Variants in CCSER1 observed in about 807,000 individuals in gnomAD.
The protein encoded by CCSER1 is serine-rich coiled-coil domain-containing protein 1.
CCSER1 carries 41 observed loss-of-function variants against 82.0 expected under a neutral mutation model. The observed-to-expected ratio is 0.50, with a 90% confidence interval of 0.39 to 0.65. The LOEUF (loss-of-function observed/expected upper bound fraction) is 0.65, where lower values mean the gene tolerates loss of function less well. Ranked by LOEUF, CCSER1 falls within the 30% of genes least tolerant of loss-of-function variation. The pLI is 0.00. For missense variants in CCSER1, 1,119 were observed against 1,064.2 expected (o/e 1.05, Z -0.72); for synonymous variants, 414 against 383.9 (o/e 1.08, Z -0.92).
intron 9 of CCSER1, among the ~76,000 whole-genome samples, chr4:91,084,729 A>G (rs561156104): frequency 1.3e-5 from 2 of 152,234 alleles, no homozygotes; most frequent in South Asian, 2.1e-4. Context: ...GCTACCACCT[A>G]TATACAAAAA....
intron 10 of CCSER1, among the ~76,000 whole-genome samples, chr4:91,120,496 A>G (rs1258030864): frequency 6.6e-6 from 1 of 151,992 alleles, no homozygotes; most frequent in Admixed American, 6.6e-5. Context: ...GTCTGAGTGG[A>G]AGGGCTAACT....
intron 7 of CCSER1, among the ~76,000 whole-genome samples, chr4:90,807,968 G>C (rs187472288): frequency 6.6e-6 from 1 of 152,140 alleles, no homozygotes; most frequent in Admixed American, 6.5e-5. Context: ...GAATAAATCT[G>C]GAGGCATCAT....
At chr4:90,154,734 C>CCTGAGACTTTG (rs1263455128) in intron 1 of CCSER1, among the ~76,000 whole-genome samples, 2 of 147,062 alleles carry the variant, frequency 1.4e-5, no homozygotes, top group African/African-American at 5.0e-5. Context: ...GATTTTGTAT[C>CCTGAGACTTTG]CTGAGACTTT....
At chr4:90,963,127 A>C (rs1354990775) in intron 9 of CCSER1, among the ~76,000 whole-genome samples, 2 of 152,176 alleles carry the variant, frequency 1.3e-5, no homozygotes, top group Non-Finnish European at 2.9e-5. Context: ...TTGGATATTT[A>C]TAGTTGTACT....
intron 5 of CCSER1, among the ~76,000 whole-genome samples, chr4:90,604,147 A>T (rs1201172290): frequency 6.6e-6 from 1 of 152,172 alleles, no homozygotes. Flanking sequence ...GATGCCAAGT[A>T]GCTTGTTAGA....
At chr4:91,438,339 C>G (rs892420917) in intron 10 of CCSER1, among the ~76,000 whole-genome samples, 41 of 152,304 alleles carry the variant, frequency 2.7e-4, no homozygotes, top group African/African-American at 9.1e-4. Context: ...ATCTGCGGTT[C>G]TGCAGCCACC....
intron 9 of CCSER1, among the ~76,000 whole-genome samples, chr4:91,076,878 G>A (rs1425463601): frequency 2.6e-5 from 4 of 152,176 alleles, no homozygotes; most frequent in African/African-American, 7.2e-5. Flanking sequence ...TTCAAATTTT[G>A]TAGTTGAGAA....
chr4:91,344,520 T>C (rs1300462923), intron 10 of CCSER1, among the ~76,000 whole-genome samples: 3 of 152,024 alleles, frequency 2.0e-5, no homozygotes, highest in Non-Finnish European at 4.4e-5. Context: ...TTTAAAATAA[T>C]AGAAAATATA....
chr4:90,879,494 A>AGAG (rs1240786202), intron 8 of CCSER1, among the ~76,000 whole-genome samples: 1 of 123,936 alleles, frequency 8.1e-6, no homozygotes, highest in African/African-American at 2.9e-5. Flanking sequence ...AAGAGGAAGA[A>AGAG]GAAGAAGAAG....
At chr4:90,901,977 C>T (rs971906234) in intron 8 of CCSER1, among the ~76,000 whole-genome samples, 2 of 151,814 alleles carry the variant, frequency 1.3e-5, no homozygotes, top group Non-Finnish European at 2.9e-5. Flanking sequence ...AGACTTTCTT[C>T]ATTTTTTAAA....
intron 10 of CCSER1, among the ~76,000 whole-genome samples, chr4:91,482,124 C>A (rs1455514062): frequency 6.6e-6 from 1 of 151,900 alleles, no homozygotes; most frequent in Non-Finnish European, 1.5e-5. Context: ...GGAAACGGGC[C>A]GGGCGCGGTG....
At chr4:91,115,861 T>TATATATATATATA (rs757901995) in intron 10 of CCSER1, among the ~76,000 whole-genome samples, 9 of 133,580 alleles carry the variant, frequency 6.7e-5, no homozygotes, top group African/African-American at 2.3e-4. Flanking sequence ...ATATATATAT[T>TATATATATATATA]TTTTTTTATT....
At chr4:90,923,346 T>C (rs1228900703) in intron 8 of CCSER1, 24 bp from the exon 9 acceptor site, 8 of 1,523,266 alleles carry the variant, frequency 5.3e-6, no homozygotes, top group South Asian at 1.2e-5. Context: ...AACAATGTGT[T>C]GTTGCTGTTT....
chr4:91,392,713 T>C (rs1751739265), intron 10 of CCSER1, among the ~76,000 whole-genome samples: 1 of 152,140 alleles, frequency 6.6e-6, no homozygotes, highest in African/African-American at 2.4e-5. Flanking sequence ...AATGATGCAT[T>C]TATATTTAGA....
intron 5 of CCSER1, among the ~76,000 whole-genome samples, chr4:90,593,148 CA>C (rs1439067482): frequency 1.3e-5 from 2 of 152,024 alleles, no homozygotes; most frequent in African/African-American, 2.4e-5. Flanking sequence ...TGGATTTATT[CA>C]TTTTTTTAAT....
chr4:90,165,661 C>A (rs1730317441), intron 1 of CCSER1, among the ~76,000 whole-genome samples: 1 of 151,996 alleles, frequency 6.6e-6, no homozygotes. Flanking sequence ...TTACATGTTT[C>A]TGTGATAATG....
chr4:91,549,249 A>G (rs1202393848), intron 10 of CCSER1, among the ~76,000 whole-genome samples: 1 of 151,842 alleles, frequency 6.6e-6, no homozygotes, highest in East Asian at 1.9e-4. Context: ...TTACATTATC[A>G]TCTGTGCTTG....
intron 8 of CCSER1, among the ~76,000 whole-genome samples, chr4:90,868,339 C>G (rs1487035486): frequency 2.0e-5 from 3 of 151,852 alleles, no homozygotes; most frequent in Non-Finnish European, 4.4e-5. Context: ...TTTCCCCCAC[C>G]ACTCCCACCT....
chr4:90,768,743 A>C (rs562166674), intron 7 of CCSER1, among the ~76,000 whole-genome samples: 1 of 152,314 alleles, frequency 6.6e-6, no homozygotes, highest in African/African-American at 2.4e-5. Context: ...AAAGTAAGGC[A>C]GAAAATAGAA....
Sources: gnomAD v4.1 joint callset for allele counts (sites outside exome capture counted in the v4.1 genomes callset) on GRCh38, gnomAD v4.1.1 for gene constraint, MANE v1.5 for transcripts, NCBI Gene and HGNC (gene_info 2026-07-23, HGNC 2026-07-21) for gene names.